The following TTLL10 variants were observed in gnomAD, a reference collection of about 807,000 sequenced individuals.
TTLL10 encodes the protein inactive polyglycylase TTLL10.
In TTLL10, 61 loss-of-function variants were observed where a neutral mutation model predicts 69.0. The ratio of observed to expected loss-of-function variants is 0.88; its 90% CI spans 0.72 to 1.09. TTLL10 has a LOEUF of 1.09. TTLL10 is among the 50% of genes least tolerant of loss of function. The pLI is 0.00. For synonymous variants in TTLL10, 408 were observed against 393.3 expected (o/e 1.04, Z -0.44); for missense variants, 962 against 945.9 (o/e 1.02, Z -0.22).
At chr1:1,196,411 C>T (rs553373918) in intron 13 of TTLL10, 189 bp from the exon 14 acceptor site, 44 of 593,186 alleles carry the variant, frequency 7.4e-5, no homozygotes, top group Middle Eastern at 4.6e-4. Flanking sequence ...AGGAGCTGCA[C>T]GAGTTTGTTG....
At chr1:1,187,245 A>G (rs1557486608) in intron 13 of TTLL10, among the ~76,000 whole-genome samples, 1 of 152,202 alleles carries the variant, frequency 6.6e-6, no homozygotes, top group Non-Finnish European at 1.5e-5. Context: ...TTTCTTGATA[A>G]TGTCCTTTGA....
intron 13 of TTLL10, among the ~76,000 whole-genome samples, chr1:1,193,900 G>A (rs1648018407): frequency 6.6e-6 from 1 of 152,184 alleles, no homozygotes; most frequent in African/African-American, 2.4e-5. Context: ...GCTTATGCCT[G>A]TAATCCCAGT....
At position 1,185,197 on chromosome 1, in the gene TTLL10, C is replaced by T. The variant is rs1177999483; in HGVS notation, c.1401+88C>T. On this transcript the variant is annotated intron_variant, in intron 13 of 15. Coordinates refer to ENST00000379289, the MANE Select transcript of TTLL10 (RefSeq NM_001130045.2). This position sits in a 1 kb window ranked among gnomAD's most constrained non-coding sequence, Gnocchi z 6.1. ...GCTGGGCACCAGGCACACAGATGTC[C>T]GTGGCGTGCGTGGGCGGCTGCGCTG... is the stretch of plus-strand genomic sequence containing the variant. The T allele has an allele frequency of 3.9e-6, 6 of 1,554,010 alleles. No individual in the cohort carries two copies. In the African/African-American group the frequency reaches 4.1e-5, roughly 11 times the overall value.
Position 1,197,593 on chromosome 1 carries a change from AC to A in TTLL10, c.1771del (p.Arg591AlafsTer?). The A allele has an allele frequency of 6.6e-7, 1 of 1,511,012 alleles. No individual in the cohort carries two copies. Among genetic ancestry groups the A allele is most frequent in the Non-Finnish European group, 8.8e-7 (1 of 1,135,928 alleles). The allele number at this position is 1,511,012 out of a possible 1,614,324, so 93.6% of individuals were successfully genotyped here. A position where few individuals can be genotyped will look rare whatever the true frequency, so the allele number is the denominator to read the frequency against. On this transcript the variant is annotated frameshift_variant, in exon 16 of 16. Transcript: ENST00000379289. LOFTEE classifies it high-confidence loss of function. ...CSLRRWPPLP[T>X]RQAKSSGPPM... is the part of the protein sequence containing the mutation. ...CCTCCGCCGCTGGCCGCCCCTGCCC[AC>A]CCGCCAGGCCAAGTCCTCCGGGCCA...
chr1:1,182,475 T>G, intron 10 of TTLL10, 29 bp downstream of exon 10: 1 of 1,608,204 alleles, frequency 6.2e-7, no homozygotes, highest in Non-Finnish European at 8.5e-7. Flanking sequence ...GACACCAGGC[T>G]GGCCCTGGGG....
chr1:1,178,189 T>TCCTC, intron 3 of TTLL10, among the ~76,000 whole-genome samples: 1 of 152,106 alleles, frequency 6.6e-6, no homozygotes, highest in African/African-American at 2.4e-5. Flanking sequence ...TTCTCCAGCC[T>TCCTC]CAGAGCCCCC....
rs977621392 is a variant in TTLL10 at position 1,185,746 on chromosome 1, C to T, written c.1401+637C>T. On this transcript the variant is annotated intron_variant, in intron 13 of 15. Coordinates refer to ENST00000379289, the MANE Select transcript of TTLL10 (RefSeq NM_001130045.2). This position sits in a 1 kb window ranked among gnomAD's most constrained non-coding sequence, Gnocchi z 6.1. Reference sequence around the variant, plus strand: ...GGGATGGTCCTTCCTCACCCACAGGCGTGTGTCACTGTGGCTGGGACGGCA... The same window carrying T: ...GGGATGGTCCTTCCTCACCCACAGGTGTGTGTCACTGTGGCTGGGACGGCA... 1.0e-5 allele frequency: 10 copies of T among 985,392 alleles called. No homozygotes were observed. The highest frequency in any genetic ancestry group is 6.1e-5 in the Admixed American group (1 of 16,268). 61.0% of individuals were successfully genotyped at this position (985,392 alleles called of 1,614,324 possible). A position where few individuals can be genotyped will look rare whatever the true frequency, so the allele number is the denominator to read the frequency against.
chr1:1,194,129 C>A (rs1325705336), intron 13 of TTLL10, among the ~76,000 whole-genome samples: 1 of 152,278 alleles, frequency 6.6e-6, no homozygotes, highest in South Asian at 2.1e-4. Flanking sequence ...TTACCCCAGC[C>A]TAGGTGACAG....
At chr1:1,193,761 G>C (rs1327403601) in intron 13 of TTLL10, among the ~76,000 whole-genome samples, 1 of 152,150 alleles carries the variant, frequency 6.6e-6, no homozygotes, top group African/African-American at 2.4e-5. Flanking sequence ...CACCACGCCT[G>C]GCTTAGTGTA....
chr1:1,185,766 A>T lies in TTLL10; in HGVS notation c.1401+657A>T, dbSNP rs564900873. Reference sequence around the variant, plus strand: ...ACAGGCGTGTGTCACTGTGGCTGGGACGGCAGCGCTCAGAGGAGCCTCCAG... The same window carrying T: ...ACAGGCGTGTGTCACTGTGGCTGGGTCGGCAGCGCTCAGAGGAGCCTCCAG... On this transcript the variant is annotated intron_variant, in intron 13 of 15. Coordinates refer to ENST00000379289, the MANE Select transcript of TTLL10 (RefSeq NM_001130045.2). This position sits in a 1 kb window ranked among gnomAD's most constrained non-coding sequence, Gnocchi z 6.1. 2.0e-6 allele frequency: 2 copies of T among 985,454 alleles called. No individual in the cohort carries two copies. Among genetic ancestry groups the T allele is most frequent in the Middle Eastern group, 5.2e-4 (1 of 1,914 alleles). 61.0% of individuals were successfully genotyped at this position (985,454 alleles called of 1,614,324 possible). A position where few individuals can be genotyped will look rare whatever the true frequency, so the allele number is the denominator to read the frequency against.
Position 1,183,948 on chromosome 1 carries a change from G to A in TTLL10, c.1117G>A (p.Gly373Arg), listed in dbSNP as rs1464990158. The A allele has an allele frequency of 9.9e-6, 16 of 1,614,070 alleles. 1 individual carries two copies. In the Middle Eastern group the frequency reaches 4.9e-4, roughly 50 times the overall value. The change falls in exon 12 of 16, where the codon GGG becomes AGG. Residue 373 changes from glycine to arginine, a missense_variant. Physicochemically the swap from Gly to Arg is moderately radical, Grantham distance 125. Coordinates refer to ENST00000379289, the MANE Select transcript of TTLL10 (RefSeq NM_001130045.2). ...CATCCAGAACCCGCTGCTGGTGGAC[G>A]GGAGAAAGTTTGACGTGCGCTCCTA... ...RYIQNPLLVD[G>R]RKFDVRSYLL...
rs369075338 is a variant in TTLL10 at position 1,180,026 on chromosome 1, G to A, written c.200-8G>A. On this transcript the variant is annotated splice_polypyrimidine_tract_variant and splice_region_variant and intron_variant, in intron 5 of 15. Coordinates refer to ENST00000379289, the MANE Select transcript of TTLL10 (RefSeq NM_001130045.2). ...AGCCACCCCGGTGGGACCCCACCCC[G>A]TTCACAGGCCCGGCCCACGAGAGGC... is the stretch of plus-strand genomic sequence containing the variant. 72 of 1,520,318 alleles carry A rather than the reference G, an allele frequency of 4.7e-5. No individual in the cohort carries two copies. Among genetic ancestry groups the A allele is most frequent in the East Asian group, 2.3e-4 (10 of 43,566 alleles). The allele number at this position is 1,520,318 out of a possible 1,614,324, so 94.2% of individuals were successfully genotyped here.
At chr1:1,180,967 C>T in intron 8 of TTLL10, 107 bp downstream of exon 8, 2 of 1,109,686 alleles carry the variant, frequency 1.8e-6, no homozygotes, top group East Asian at 6.3e-5. Context: ...CGCCCCTGCC[C>T]TTGCCCCTGC....
chr1:1,196,402 G>A (rs755861461), intron 13 of TTLL10, 198 bp from the exon 14 acceptor site: 1 of 586,446 alleles, frequency 1.7e-6, no homozygotes, highest in Non-Finnish European at 3.1e-6. Context: ...ACACAGGACA[G>A]GAGCTGCACG....
At chr1:1,180,923 GCCCCTGCA>G (rs1647043425) in intron 8 of TTLL10, 63 bp downstream of exon 8, 10 of 1,308,596 alleles carry the variant, frequency 7.6e-6, no homozygotes, top group Non-Finnish European at 6.9e-6. Context: ...CCCTGCCCCT[GCCCCTGCA>G]CCCGCCCCAC....
intron 10 of TTLL10, 103 bp from the exon 11 acceptor site, chr1:1,182,772 CG>C (rs1557480342): frequency 7.0e-7 from 1 of 1,433,364 alleles, no homozygotes; most frequent in African/African-American, 1.4e-5. Context: ...TTGGAATGGC[CG>C]GGCCGAGGGT....
intron 13 of TTLL10, among the ~76,000 whole-genome samples, chr1:1,194,776 A>G (rs1225575951): frequency 2.0e-5 from 3 of 152,082 alleles, no homozygotes; most frequent in Admixed American, 2.0e-4. Flanking sequence ...GAGGTGGTGG[A>G]TCTCTGAGTT....
At chr1:1,188,566 G>A (rs1223086245) in intron 13 of TTLL10, among the ~76,000 whole-genome samples, 5 of 151,870 alleles carry the variant, frequency 3.3e-5, no homozygotes, top group Non-Finnish European at 5.9e-5. Context: ...CACCACGCTC[G>A]GCTAATTTTT....
In TTLL10 at chr1:1,181,502, A is replaced by C. The variant is rs1340827518; in HGVS notation, c.756-239A>C. ...CGCCCAGCCAACCGCAGCTGCCTCC[A>C]TCTGCACCCCCCGCCCCTGGTTGCC... is the stretch of plus-strand genomic sequence containing the variant. On this transcript the variant is annotated intron_variant, in intron 8 of 15. Transcript: ENST00000379289. The surrounding 1 kb of genome is among the most constrained non-coding windows in gnomAD (Gnocchi z 4.6). 6.6e-6 allele frequency among the ~76,000 whole-genome samples: 1 copy of C among 151,096 alleles called. No individual in the cohort carries two copies. The highest frequency in any genetic ancestry group is 1.5e-5 in the Non-Finnish European group (1 of 67,734).
Sources: gnomAD v4.1 joint callset for allele counts (sites outside exome capture counted in the v4.1 genomes callset) on GRCh38, gnomAD v4.1.1 for gene constraint, Gnocchi (gnomAD v3.1) non-coding constraint, MANE v1.5 for transcripts, NCBI Gene and HGNC (gene_info 2026-07-23, HGNC 2026-07-21) for gene names.